UGT3A2: variants seen among roughly 807,000 people sequenced by gnomAD.
UGT3A2 encodes UDP-glycosyltransferase 3A2.
Under a neutral mutation model 39.8 loss-of-function variants are expected in UGT3A2, and 32 were observed. The observed-to-expected ratio is 0.80, with a 90% CI of 0.61 to 1.08. UGT3A2 has a LOEUF of 1.08. Ranked by LOEUF, UGT3A2 falls within the 50% of genes least tolerant of loss-of-function variation. UGT3A2 has a pLI of 0.00. For missense variants in UGT3A2, 611 were observed against 637.1 expected (o/e 0.96, Z 0.44); for synonymous variants, 241 against 230.7 (o/e 1.04, Z -0.40).
chr5:36,048,345 G>T (rs559584741), intron 4 of UGT3A2, among the ~76,000 whole-genome samples: 2 of 152,270 alleles, frequency 1.3e-5, no homozygotes, highest in East Asian at 3.9e-4. Context: ...TACAGTGGCA[G>T]GGGTCCACCC....
rs531092925 is a variant in UGT3A2 at position 36,057,537 on chromosome 5, CT to C, written c.197-5554del. Among the ~76,000 whole-genome samples the C allele has an allele frequency of 1.5e-3, 204 of 134,634 alleles. 1 individual carries two copies. Among genetic ancestry groups the C allele is most frequent in the African/African-American group, 2.6e-3 (95 of 36,896 alleles). 88.3% of individuals were successfully genotyped at this position (134,634 alleles called of 152,430 possible). ...GTAGTTTCTCTCTCTCTCTCTCTCTCTTTTTTTTTTTTTTCTCAGACTGGGT... is the reference window on the plus strand; with the variant it reads ...GTAGTTTCTCTCTCTCTCTCTCTCTCTTTTTTTTTTTTTCTCAGACTGGGT... On this transcript the variant is annotated intron_variant, in intron 2 of 6. Coordinates refer to ENST00000282507, the MANE Select transcript of UGT3A2 (RefSeq NM_174914.4).
intron 2 of UGT3A2, among the ~76,000 whole-genome samples, chr5:36,055,468 G>A (rs1194001402): frequency 1.3e-5 from 2 of 152,056 alleles, no homozygotes; most frequent in Non-Finnish European, 2.9e-5. Flanking sequence ...CTGACCTCAG[G>A]TGATCCGCCT....
chr5:36,064,400 T>C, intron 1 of UGT3A2, 50 bp from the exon 2 acceptor site: 1 of 1,494,476 alleles, frequency 6.7e-7, no homozygotes, highest in Non-Finnish European at 9.3e-7. Flanking sequence ...ATACAGTGTC[T>C]GAAGTCAGTA....
At chr5:36,051,810 C>G in intron 3 of UGT3A2, 60 bp downstream of exon 3, 1 of 1,205,916 alleles carries the variant, frequency 8.3e-7, no homozygotes, top group Non-Finnish European at 1.2e-6. Context: ...ATGCATCCAT[C>G]CATCCATTTG....
chr5:36,062,819 T>G (rs1326951292), intron 2 of UGT3A2, among the ~76,000 whole-genome samples: 3 of 152,090 alleles, frequency 2.0e-5, no homozygotes, highest in Admixed American at 1.3e-4. Context: ...GCAGGAGGAT[T>G]ACCTGAGGTC....
chr5:36,040,797 G>A (rs902066669), intron 4 of UGT3A2, among the ~76,000 whole-genome samples: 2 of 152,166 alleles, frequency 1.3e-5, no homozygotes, highest in African/African-American at 4.8e-5. Context: ...GAGTGCACAT[G>A]ACCTGGTGAG....
intron 2 of UGT3A2, among the ~76,000 whole-genome samples, chr5:36,057,430 A>G (rs988296303): frequency 2.0e-5 from 3 of 152,130 alleles, no homozygotes; most frequent in Non-Finnish European, 4.4e-5. Flanking sequence ...GAAAAAACAG[A>G]AAGGATCCAC....
At chr5:36,037,722 A>G in intron 6 of UGT3A2, 75 bp downstream of exon 6, 1 of 1,519,114 alleles carries the variant, frequency 6.6e-7, no homozygotes, top group Non-Finnish European at 9.0e-7. Context: ...AAACCAAAAA[A>G]ACAGACTCCC....
In UGT3A2 at chr5:36,051,940, C is replaced by T. The variant is rs1742356915; in HGVS notation, c.241G>A (p.Ala81Thr). Reference protein sequence around the residue: ...EKSYQVISWLAPEDHQREFKK... With the variant: ...EKSYQVISWLTPEDHQREFKK... ...AATTCTCTTTGATGATCTTCAGGTG[C>T]AAGCCAACTGATAACTTGATATGAT... Residue 81 changes from alanine (A) to threonine (T), a missense_variant, in exon 3 of 7, where the codon GCA (alanine) becomes ACA (threonine). Coordinates refer to ENST00000282507, the MANE Select transcript of UGT3A2 (RefSeq NM_174914.4). The T allele has an allele frequency of 1.3e-6, 2 of 1,588,884 alleles. No individual in the cohort carries two copies. Among genetic ancestry groups the T allele is most frequent in the Non-Finnish European group, 1.7e-6 (2 of 1,172,902 alleles).
chr5:36,062,664 A>C (rs1742745993), intron 2 of UGT3A2, among the ~76,000 whole-genome samples: 1 of 152,160 alleles, frequency 6.6e-6, no homozygotes, highest in Non-Finnish European at 1.5e-5. Flanking sequence ...TATAGTTTGA[A>C]GTCAGGTAGT....
intron 2 of UGT3A2, among the ~76,000 whole-genome samples, chr5:36,053,348 C>A (rs1329418902): frequency 1.3e-5 from 2 of 152,100 alleles, no homozygotes; most frequent in African/African-American, 4.8e-5. Context: ...ATCTCTGTGC[C>A]CATAATGTTA....
rs1561493065 is a variant in UGT3A2 at position 36,049,200 on chromosome 5, G to A, written c.532C>T (p.Pro178Ser). Residue 178 changes from proline to serine, a missense_variant, in exon 4 of 7, where the codon CCA becomes TCA. By Grantham distance (74) the Pro-to-Ser change is moderately conservative. Coordinates refer to ENST00000282507, the MANE Select transcript of UGT3A2 (RefSeq NM_174914.4). ...ACTGGAACATAAGACAAGGGGATTGGTAGCCCAAATTCCAAAGAGCCGAAT... is the reference window on the plus strand; with the variant it reads ...ACTGGAACATAAGACAAGGGGATTGATAGCCCAAATTCCAAAGAGCCGAAT... The part of the protein sequence containing the change: ...TSFGSLEFGL[P>S]IPLSYVPVFR... 2 of 1,614,164 alleles carry A rather than the reference G, an allele frequency of 1.2e-6. No homozygotes were observed. Among genetic ancestry groups the A allele is most frequent in the South Asian group, 2.2e-5 (2 of 91,076 alleles).
intron 2 of UGT3A2, among the ~76,000 whole-genome samples, chr5:36,055,274 C>G (rs915741767): frequency 6.6e-6 from 1 of 151,754 alleles, no homozygotes; most frequent in Non-Finnish European, 1.5e-5. Flanking sequence ...CTGTCACCCA[C>G]CCAGGCTGGA....
At chr5:36,045,253 TA>T (rs369389885) in intron 4 of UGT3A2, among the ~76,000 whole-genome samples, 2,166 of 151,244 alleles carry the variant, frequency 0.014, 28 homozygotes, top group African/African-American at 0.05. Context: ...TGAATGGTGC[TA>T]AAAAAAAACT....
At chr5:36,041,042 CT>C (rs1741989044) in intron 4 of UGT3A2, among the ~76,000 whole-genome samples, 1 of 152,232 alleles carries the variant, frequency 6.6e-6, no homozygotes, top group African/African-American at 2.4e-5. Context: ...TAGACATGCC[CT>C]GGGTCAGAAG....
At chr5:36,059,936 G>A (rs999345832) in intron 2 of UGT3A2, among the ~76,000 whole-genome samples, 14 of 152,300 alleles carry the variant, frequency 9.2e-5, no homozygotes, top group Non-Finnish European at 1.5e-4. Context: ...AGACTGGAGG[G>A]ACTCATGGAT....
rs1742356716 is a variant in UGT3A2, at chr5:36,051,936, G to C, written c.245C>G (p.Pro82Arg). 6.3e-7 allele frequency: 1 copy of C among 1,589,928 alleles called. No homozygotes were observed. Among genetic ancestry groups the C allele is most frequent in the African/African-American group, 1.4e-5 (1 of 73,230 alleles). Reference protein sequence around the residue: ...KSYQVISWLAPEDHQREFKKS... With the variant: ...KSYQVISWLAREDHQREFKKS... ...TTTAAATTCTCTTTGATGATCTTCA[G>C]GTGCAAGCCAACTGATAACTTGATA... is the stretch of plus-strand genomic sequence containing the variant. The change falls in exon 3 of 7, where the codon CCT (proline) becomes CGT (arginine). Residue 82 changes from proline to arginine, a missense_variant. Pro to Arg is a moderately radical substitution (Grantham distance 103, BLOSUM62 -2). Coordinates refer to ENST00000282507, the MANE Select transcript of UGT3A2 (RefSeq NM_174914.4).
At chr5:36,040,340 G>T (rs972261515) in intron 4 of UGT3A2, among the ~76,000 whole-genome samples, 1 of 152,112 alleles carries the variant, frequency 6.6e-6, no homozygotes, top group Admixed American at 6.5e-5. Context: ...GAACCCTGAA[G>T]TGATTTTGCC....
chr5:36,041,784 GTA>G (rs1742015116), intron 4 of UGT3A2, among the ~76,000 whole-genome samples: 3 of 152,092 alleles, frequency 2.0e-5, no homozygotes, highest in Non-Finnish European at 4.4e-5. Flanking sequence ...AGAAGGACAG[GTA>G]CAAACAAGCC....
Sources: allele counts gnomAD v4.1 joint callset (sites outside exome capture counted in the v4.1 genomes callset), GRCh38; gene constraint gnomAD v4.1.1; transcripts MANE v1.5; gene names NCBI Gene and HGNC (gene_info 2026-07-23, HGNC 2026-07-21).